Variants in ARFGEF2 observed in about 807,000 individuals in gnomAD.
The protein encoded by ARFGEF2 is brefeldin A-inhibited guanine nucleotide-exchange protein 2.
A neutral mutation model predicts 219.9 loss-of-function variants in ARFGEF2; 74 were observed. The observed-to-expected ratio is 0.34, with a 90% CI of 0.28 to 0.41. The LOEUF (loss-of-function observed/expected upper bound fraction) is 0.41. ARFGEF2 is among the 10% of genes least tolerant of loss of function. The pLI, the probability that ARFGEF2 is intolerant of heterozygous loss-of-function variation, is 1.00. For synonymous variants in ARFGEF2, 733 were observed against 799.2 expected (o/e 0.92, Z 1.40); for missense variants, 1,743 against 2,218.3 (o/e 0.79, Z 4.30).
chr20:48,963,765 C>T, intron 6 of ARFGEF2, 65 bp from the exon 7 acceptor site: 1 of 1,504,828 alleles, frequency 6.6e-7, no homozygotes, highest in South Asian at 1.1e-5. Flanking sequence ...ATCTCCTTTT[C>T]CTCTCTTCCT....
chr20:48,977,196 T>A lies in ARFGEF2; in HGVS notation c.1958+997T>A, dbSNP rs142256406. 6.8e-3 allele frequency among the ~76,000 whole-genome samples: 1,032 copies of A among 151,696 alleles called. 13 individuals are homozygous for A. The highest frequency in any genetic ancestry group is 0.023 in the African/African-American group (945 of 41,324). On this transcript the variant is annotated intron_variant, in intron 14 of 38. Transcript: ENST00000371917. ...GCCCTGTGTCTGAGTGTTCTCATTG[T>A]TTGGTACCCACCTATGAGTGAAAAC...
chr20:48,949,287 A>G (rs2123341087), intron 3 of ARFGEF2, among the ~76,000 whole-genome samples: 1 of 152,288 alleles, frequency 6.6e-6, no homozygotes, highest in South Asian at 2.1e-4. Flanking sequence ...ATTGCAGCCT[A>G]CTTTTCAGCA....
At chr20:48,977,376 T>C (rs1021734078) in intron 14 of ARFGEF2, among the ~76,000 whole-genome samples, 1 of 152,220 alleles carries the variant, frequency 6.6e-6, no homozygotes, top group African/African-American at 2.4e-5. Flanking sequence ...CAGTCTACAA[T>C]TGATGGACAT....
At chr20:48,975,916 A>C in intron 13 of ARFGEF2, 100 bp from the exon 14 acceptor site, 1 of 1,044,376 alleles carries the variant, frequency 9.6e-7, no homozygotes, top group South Asian at 1.3e-5. Flanking sequence ...ACTTGTTGCT[A>C]TTACAGGTTT....
At chr20:48,922,912 ATAAT>A (rs368563449) in intron 1 of ARFGEF2, among the ~76,000 whole-genome samples, 1,871 of 152,286 alleles carry the variant, frequency 0.012, 17 homozygotes, top group Non-Finnish European at 0.02. Context: ...AGGAGACAAA[ATAAT>A]TAATTAAGAA....
Position 48,984,755 on chromosome 20 carries a change from T to C in ARFGEF2, c.1985T>C (p.Ile662Thr). The part of the protein sequence containing the change: ...ELFNKKPKRG[I>T]QFLQEQGMLG... ...TTCAACAAGAAACCCAAGAGGGGGA[T>C]CCAGTTTCTCCAGGAGCAGGGCATG... The change falls in exon 15 of 39, where the codon ATC becomes ACC. Residue 662 changes from isoleucine (I) to threonine (T), a missense_variant. By Grantham distance (89) the Ile-to-Thr change is moderately conservative (BLOSUM62 -1). This residue lies in a region of ARFGEF2 where 666 missense variants were observed against 955.4 expected (regional missense o/e 0.70). Coordinates refer to ENST00000371917, the MANE Select transcript of ARFGEF2 (RefSeq NM_006420.3). 1 of 1,613,854 alleles carries C rather than the reference T, an allele frequency of 6.2e-7. No individual in the cohort carries two copies. Among genetic ancestry groups the C allele is most frequent in the Non-Finnish European group, 8.5e-7 (1 of 1,180,022 alleles).
chr20:48,970,213 G>A (rs2091216556), intron 9 of ARFGEF2, among the ~76,000 whole-genome samples: 1 of 152,208 alleles, frequency 6.6e-6, no homozygotes, highest in East Asian at 1.9e-4. Context: ...CACTCGGGAA[G>A]CTGAGGCAAG....
Position 49,035,076 on chromosome 20 carries a change from C to T in ARFGEF2, c.*1877C>T, listed in dbSNP as rs1442320079. The T allele has an allele frequency of 1.3e-5, 2 of 152,146 alleles. No individual in the cohort carries two copies. Among genetic ancestry groups the T allele is most frequent in the South Asian group, 2.1e-4 (1 of 4,830 alleles). The allele number at this position is 152,146 out of a possible 1,614,324, so 9.4% of individuals were successfully genotyped here. On this transcript the variant is annotated 3_prime_UTR_variant, in exon 39 of 39. Coordinates refer to ENST00000371917, the MANE Select transcript of ARFGEF2 (RefSeq NM_006420.3). The stretch of plus-strand genomic sequence containing the variant: ...ACCTACACTCCCTGGTATCATAGCG[C>T]GTCATCACCTCAACAAGTCAGTCGT...
chr20:49,019,233 G>A (rs1319066875), intron 34 of ARFGEF2, among the ~76,000 whole-genome samples: 5 of 151,934 alleles, frequency 3.3e-5, no homozygotes, highest in South Asian at 2.1e-4. Context: ...TAGTACATAC[G>A]AATTTTCTCC....
At chr20:48,926,435 T>C (rs1265432973) in intron 1 of ARFGEF2, among the ~76,000 whole-genome samples, 1 of 152,050 alleles carries the variant, frequency 6.6e-6, no homozygotes, top group Admixed American at 6.5e-5. Flanking sequence ...TACACATAAG[T>C]TTCATTTGAG....
In ARFGEF2 at chr20:48,985,023, G is replaced by T. The variant is rs548288671; in HGVS notation, c.2070+183G>T. Among the ~76,000 whole-genome samples, 10 of 152,234 alleles carry T rather than the reference G, an allele frequency of 6.6e-5. No individual in the cohort carries two copies. The South Asian group carries it at 2.1e-3, about 32-fold the overall frequency. On this transcript the variant is annotated intron_variant, in intron 15 of 38. Coordinates refer to ENST00000371917, the MANE Select transcript of ARFGEF2 (RefSeq NM_006420.3). ...CCTGTGTATCCCGTTGGCTAGTGTTGCAGAAAGCTCTTTGATGGGAATAAA... is the reference window on the plus strand; with the variant it reads ...CCTGTGTATCCCGTTGGCTAGTGTTTCAGAAAGCTCTTTGATGGGAATAAA...
chr20:48,971,822 A>G (rs1284898000), intron 10 of ARFGEF2, among the ~76,000 whole-genome samples: 5 of 151,246 alleles, frequency 3.3e-5, no homozygotes, highest in Non-Finnish European at 7.4e-5. Context: ...AATGGCATGA[A>G]CCCGGGAGGC....
chr20:48,944,698 T>C (rs2091015579), intron 3 of ARFGEF2, among the ~76,000 whole-genome samples: 1 of 152,064 alleles, frequency 6.6e-6, no homozygotes, highest in Non-Finnish European at 1.5e-5. Flanking sequence ...ACTCCTAAGC[T>C]CAAGTGATCC....
intron 4 of ARFGEF2, 128 bp downstream of exon 4, chr20:48,951,597 G>A (rs1001449209): frequency 2.7e-5 from 35 of 1,274,596 alleles, no homozygotes; most frequent in African/African-American, 1.9e-4. Context: ...AGATTTAAGC[G>A]TCACTTAGAT....
chr20:48,978,526 T>C (rs927527296), intron 14 of ARFGEF2, among the ~76,000 whole-genome samples: 9 of 152,238 alleles, frequency 5.9e-5, no homozygotes, highest in Admixed American at 6.5e-5. Context: ...GGTAGCTTGA[T>C]GGGGATGGCA....
chr20:48,968,140 C>G (rs573034466), intron 8 of ARFGEF2, among the ~76,000 whole-genome samples: 4 of 151,580 alleles, frequency 2.6e-5, no homozygotes, highest in Non-Finnish European at 5.9e-5. Context: ...ACTACAGGTG[C>G]CCACCACCAC....
At position 48,972,355 on chromosome 20, in the gene ARFGEF2, T is replaced by C. The variant is rs1345491072; in HGVS notation, c.1455T>C (p.Ile485=). 5 of 1,613,864 alleles carry C rather than the reference T, an allele frequency of 3.1e-6. No homozygotes were observed. Residue 485 remains isoleucine, a synonymous_variant, in exon 11 of 39, where the codon ATT becomes ATC. Transcript: ENST00000371917. The part of the protein sequence containing the change: ...EVFFKEIFLN[I]LETSTSSFEH... Reference sequence around the variant, plus strand: ...TTTTCAAAGAGATTTTCCTGAACATTTTAGAAACATCAACAAGTTCTTTTG... The same window carrying C: ...TTTTCAAAGAGATTTTCCTGAACATCTTAGAAACATCAACAAGTTCTTTTG...
intron 1 of ARFGEF2, among the ~76,000 whole-genome samples, chr20:48,934,704 A>G (rs904260921): frequency 2.6e-5 from 4 of 152,244 alleles, no homozygotes; most frequent in Non-Finnish European, 5.9e-5. Context: ...TTATGGTTGC[A>G]TAGTAGTCCA....
chr20:49,016,901 T>C (rs1273861709), intron 31 of ARFGEF2, among the ~76,000 whole-genome samples: 1 of 152,206 alleles, frequency 6.6e-6, no homozygotes, highest in Admixed American at 6.5e-5. Flanking sequence ...ACATTTGATA[T>C]TGTTCAGGTG....
Sources: allele counts gnomAD v4.1 joint callset (sites outside exome capture counted in the v4.1 genomes callset), GRCh38; gene constraint gnomAD v4.1.1; regional missense constraint gnomAD v4.1.1; transcripts MANE v1.5; gene names NCBI Gene and HGNC (gene_info 2026-07-23, HGNC 2026-07-21).